The following OPCML variants were observed in gnomAD, a reference collection of about 807,000 sequenced individuals.
OPCML encodes opioid binding protein/cell adhesion molecule like.
A neutral mutation model predicts 37.8 loss-of-function variants in OPCML; 13 were observed. The ratio of observed to expected loss-of-function variants is 0.34; its 90% CI spans 0.22 to 0.55. OPCML has a LOEUF of 0.55. OPCML is among the 20% of genes least tolerant of loss of function. OPCML has a pLI of 0.91. For synonymous variants in OPCML, 176 were observed against 168.8 expected (o/e 1.04, Z -0.33); for missense variants, 341 against 435.6 (o/e 0.78, Z 1.93).
At chr11:133,469,333 A>G (rs2137002492) in intron 1 of OPCML, among the ~76,000 whole-genome samples, 1 of 152,322 alleles carries the variant, frequency 6.6e-6, no homozygotes, top group South Asian at 2.1e-4. Flanking sequence ...AGTTGCCTAC[A>G]GTGTCAGCAC....
In OPCML at chr11:132,429,230, C is replaced by G. The variant is rs149933527; in HGVS notation, c.916+6856G>C. 1.0e-2 allele frequency among the ~76,000 whole-genome samples: 1,515 copies of G among 152,228 alleles called. 22 individuals are homozygous for G. Among genetic ancestry groups the G allele is most frequent in the African/African-American group, 0.034 (1,424 of 41,528 alleles). On this transcript the variant is annotated intron_variant, in intron 7 of 7. Transcript: ENST00000524381. ...AGAACAGCCTTAATGCCAAGCTGTT[C>G]TGGGAGGCAGAAGTTTTCAGCAATC...
chr11:133,056,113 A>G (rs1229628604), intron 1 of OPCML, among the ~76,000 whole-genome samples: 1 of 152,274 alleles, frequency 6.6e-6, no homozygotes, highest in Non-Finnish European at 1.5e-5. Context: ...CCCAGTTATC[A>G]TGGATTGGGA....
At chr11:133,180,113 G>A (rs974945660) in intron 1 of OPCML, among the ~76,000 whole-genome samples, 3 of 152,128 alleles carry the variant, frequency 2.0e-5, no homozygotes, top group Admixed American at 6.5e-5. Context: ...ACTGCTCCAC[G>A]GCTGTGAAAG....
At chr11:132,606,680 ACTGCCG>A (rs2137815254) in intron 3 of OPCML, among the ~76,000 whole-genome samples, 2 of 37,344 alleles carry the variant, frequency 5.4e-5, no homozygotes, top group East Asian at 3.1e-4. Context: ...TGGGACCGTG[ACTGCCG>A]TGACTGCACC....
chr11:132,689,220 C>A (rs1014683343), intron 2 of OPCML, among the ~76,000 whole-genome samples: 2 of 152,070 alleles, frequency 1.3e-5, no homozygotes, highest in African/African-American at 4.8e-5. Context: ...TTGTGAAGGG[C>A]AATTAGATTG....
In OPCML at chr11:132,943,185, G is replaced by C. The variant is rs1945644933; in HGVS notation, c.62-175C>G. On this transcript the variant is annotated intron_variant, in intron 1 of 7. Coordinates refer to ENST00000524381, the MANE Select transcript of OPCML (RefSeq NM_001012393.5). The surrounding 1 kb of genome is among the most constrained non-coding windows in gnomAD (Gnocchi z 4.3). ...GCGGGCTCGGGAAGCGGTGCGGGGA[G>C]GAGGGAAGGGGCAGAGTTCGCCAGG... 6.3e-7 allele frequency: 1 copy of C among 1,577,504 alleles called. No homozygotes were observed. Among genetic ancestry groups the C allele is most frequent in the African/African-American group, 1.3e-5 (1 of 74,122 alleles).
intron 1 of OPCML, among the ~76,000 whole-genome samples, chr11:133,354,465 T>C (rs1944236561): frequency 6.6e-6 from 1 of 152,108 alleles, no homozygotes; most frequent in Non-Finnish European, 1.5e-5. Flanking sequence ...ATTATACAGA[T>C]TCAATACAGA....
At chr11:133,117,477 G>A (rs77328135) in intron 1 of OPCML, among the ~76,000 whole-genome samples, 11,038 of 152,096 alleles carry the variant, frequency 0.073, 485 homozygotes, top group Middle Eastern at 0.14. Flanking sequence ...AGCGAATTGG[G>A]CCCCATCGCA....
At chr11:132,738,322 C>T (rs1044776796) in intron 2 of OPCML, among the ~76,000 whole-genome samples, 7 of 152,116 alleles carry the variant, frequency 4.6e-5, no homozygotes, top group Non-Finnish European at 8.8e-5. Context: ...TTCCTAAGTG[C>T]CAGAAAGTTT....
intron 1 of OPCML, chr11:133,423,078 G>A: frequency 4.1e-6 from 4 of 985,364 alleles, no homozygotes; most frequent in South Asian, 4.7e-5. Flanking sequence ...TTATGCTCTC[G>A]AACGTGTTCT....
rs188679314 is a variant in OPCML, at chr11:132,936,650, A to G, written c.146+6276T>C. Among the ~76,000 whole-genome samples the G allele has an allele frequency of 3.5e-3, 538 of 152,274 alleles. 2 individuals are homozygous for G. Among genetic ancestry groups the G allele is most frequent in the Non-Finnish European group, 6.5e-3 (442 of 68,026 alleles). ...TTTCTCTAAACTTCTCTACCGGGAA[A>G]GCCATACACAGATCTAGGCTAGGCA... On this transcript the variant is annotated intron_variant, in intron 2 of 7. Transcript: ENST00000524381.
intron 4 of OPCML, among the ~76,000 whole-genome samples, chr11:132,497,171 AT>A (rs758165438): frequency 2.0e-5 from 3 of 152,162 alleles, no homozygotes; most frequent in Non-Finnish European, 4.4e-5. Context: ...GTTCTCACTT[AT>A]AAGTGGGGGC....
intron 3 of OPCML, among the ~76,000 whole-genome samples, chr11:132,603,085 T>C (rs1938035593): frequency 6.6e-6 from 1 of 152,186 alleles, no homozygotes; most frequent in African/African-American, 2.4e-5. Context: ...CTTCTCTATT[T>C]CCATCCTAGT....
intron 4 of OPCML, among the ~76,000 whole-genome samples, chr11:132,476,448 C>T (rs1189059329): frequency 1.3e-5 from 2 of 151,976 alleles, no homozygotes; most frequent in Non-Finnish European, 2.9e-5. Context: ...CCCAAATGTC[C>T]AACAATGATA....
At chr11:132,809,249 A>G (rs904915159) in intron 2 of OPCML, among the ~76,000 whole-genome samples, 4 of 152,208 alleles carry the variant, frequency 2.6e-5, no homozygotes, top group African/African-American at 9.7e-5. Flanking sequence ...CTGGGCCACT[A>G]TGATCGTGGT....
chr11:133,432,062 A>T (rs117829154), intron 1 of OPCML, among the ~76,000 whole-genome samples: 5,023 of 152,124 alleles, frequency 0.033, 121 homozygotes, highest in Middle Eastern at 0.13. Context: ...TACGGACATA[A>T]AGAAGGGGAC....
chr11:133,193,539 A>G (rs1414937082), intron 1 of OPCML, among the ~76,000 whole-genome samples: 1 of 152,208 alleles, frequency 6.6e-6, no homozygotes, highest in Non-Finnish European at 1.5e-5. Context: ...AATATTTTCC[A>G]GGAAATGAAA....
intron 1 of OPCML, among the ~76,000 whole-genome samples, chr11:133,521,219 G>T (rs1461904931): frequency 1.3e-5 from 2 of 152,098 alleles, no homozygotes; most frequent in African/African-American, 4.8e-5. Context: ...CAGTTCTTTT[G>T]GATTTTACAG....
chr11:132,786,950 T>C (rs747619634), intron 2 of OPCML, among the ~76,000 whole-genome samples: 1 of 152,262 alleles, frequency 6.6e-6, no homozygotes, highest in Admixed American at 6.5e-5. Context: ...TAGGAAGTTC[T>C]AGCCTAGACC....
Sources: gnomAD v4.1 joint callset for allele counts (sites outside exome capture counted in the v4.1 genomes callset) on GRCh38, gnomAD v4.1.1 for gene constraint, Gnocchi (gnomAD v3.1) non-coding constraint, MANE v1.5 for transcripts, NCBI Gene and HGNC (gene_info 2026-07-23, HGNC 2026-07-21) for gene names.